Variants in RAI14 observed in about 807,000 individuals in gnomAD.
The protein encoded by RAI14 is retinoic acid induced 14.
Under a neutral mutation model 115.4 loss-of-function variants are expected in RAI14, and 45 were observed. That is an observed-to-expected ratio of 0.39 (90% CI 0.31 to 0.50). RAI14 has a LOEUF of 0.50. RAI14 is among the 20% of genes least tolerant of loss of function. The probability of loss-of-function intolerance (pLI) is 0.85; values close to 1 mark genes in which losing one functional copy is unlikely to be tolerated. For synonymous variants in RAI14, 371 were observed against 415.4 expected (o/e 0.89, Z 1.30); for missense variants, 939 against 1,131.2 (o/e 0.83, Z 2.44).
At chr5:34,788,007 T>C (rs11954106) in intron 3 of RAI14, among the ~76,000 whole-genome samples, 37,484 of 145,208 alleles carry the variant, frequency 0.26, 5,479 homozygotes, top group Non-Finnish European at 0.32. Flanking sequence ...GCGTCTACCT[T>C]CCAGGCTCAT....
intron 16 of RAI14, among the ~76,000 whole-genome samples, chr5:34,829,249 G>A (rs541570296): frequency 3.3e-5 from 5 of 152,088 alleles, no homozygotes; most frequent in South Asian, 4.2e-4. Flanking sequence ...GTGCAGTGGC[G>A]TGATCTCGGC....
chr5:34,717,337 A>G (rs1387654568), intron 2 of RAI14, among the ~76,000 whole-genome samples: 2 of 152,266 alleles, frequency 1.3e-5, no homozygotes, highest in Non-Finnish European at 2.9e-5. Context: ...ACAGCTTACA[A>G]GTAGAAATCA....
intron 3 of RAI14, among the ~76,000 whole-genome samples, chr5:34,786,711 G>A (rs191210755): frequency 2.6e-5 from 4 of 152,128 alleles, no homozygotes; most frequent in African/African-American, 7.2e-5. Context: ...GCGACCCTTC[G>A]ACCTGGGTTT....
chr5:34,797,001 G>T (rs1461009046), intron 4 of RAI14, among the ~76,000 whole-genome samples: 1 of 152,176 alleles, frequency 6.6e-6, no homozygotes, highest in Admixed American at 6.5e-5. Context: ...GGCAAATGGA[G>T]AGAAAAGGTA....
At chr5:34,824,593 A>C (rs1030482549) in intron 15 of RAI14, 102 bp downstream of exon 15, 28 of 944,640 alleles carry the variant, frequency 3.0e-5, no homozygotes, top group Admixed American at 1.2e-4. Flanking sequence ...AACTGGAGTG[A>C]ATGCTCAGAG....
At chr5:34,775,864 T>A (rs1182255475) in intron 3 of RAI14, among the ~76,000 whole-genome samples, 1 of 152,094 alleles carries the variant, frequency 6.6e-6, no homozygotes, top group Non-Finnish European at 1.5e-5. Context: ...GTTTGGAGGT[T>A]CCTCAAAAAA....
intron 1 of RAI14, 74 bp from the exon 2 acceptor site, chr5:34,686,798 A>G (rs1744938614): frequency 7.5e-6 from 7 of 933,736 alleles, no homozygotes; most frequent in Non-Finnish European, 1.1e-5. Context: ...CCTTCCCATG[A>G]CCCAAGTTGT....
intron 2 of RAI14, among the ~76,000 whole-genome samples, chr5:34,754,469 CCTT>C (rs1747611031): frequency 6.6e-6 from 1 of 152,074 alleles, no homozygotes; most frequent in Admixed American, 6.6e-5. Context: ...CTCAAGCAAT[CCTT>C]CTGCTTTGGC....
chr5:34,780,024 G>T (rs571600621), intron 3 of RAI14, among the ~76,000 whole-genome samples: 1 of 152,004 alleles, frequency 6.6e-6, no homozygotes, highest in Non-Finnish European at 1.5e-5. Context: ...AAAACAAGAG[G>T]TATAATACCA....
At chr5:34,812,460 GT>G in intron 10 of RAI14, among the ~76,000 whole-genome samples, 1 of 152,182 alleles carries the variant, frequency 6.6e-6, no homozygotes, top group Non-Finnish European at 1.5e-5. Context: ...GAGGTCGGGA[GT>G]TCAAGACCAC....
chr5:34,681,493 A>C (rs1188867530), intron 1 of RAI14, among the ~76,000 whole-genome samples: 1 of 151,912 alleles, frequency 6.6e-6, no homozygotes, highest in African/African-American at 2.4e-5. Context: ...CCGTGATGGA[A>C]TATTATTATT....
chr5:34,757,647 G>A (rs775241851), intron 3 of RAI14, 49 bp downstream of exon 3: 9 of 1,553,028 alleles, frequency 5.8e-6, no homozygotes, highest in South Asian at 1.2e-5. Context: ...GGTTTTTGGG[G>A]TGTTCTCTGG....
At chr5:34,661,109 T>G (rs1320135525) in intron 1 of RAI14, among the ~76,000 whole-genome samples, 1 of 152,212 alleles carries the variant, frequency 6.6e-6, no homozygotes. Flanking sequence ...AGATTTTGGA[T>G]ATTTTTAAAA....
At chr5:34,744,290 C>T (rs879041856) in intron 2 of RAI14, among the ~76,000 whole-genome samples, 6 of 151,686 alleles carry the variant, frequency 4.0e-5, no homozygotes, top group African/African-American at 7.3e-5. Context: ...TTTTTTTTTC[C>T]GCAAAAGCTT....
intron 6 of RAI14, 37 bp from the exon 7 acceptor site, chr5:34,808,547 G>A (rs111951383): frequency 0.11 from 176,511 of 1,587,266 alleles, 11,213 homozygotes; most frequent in South Asian, 0.14. Context: ...GAATAACTGT[G>A]TGATTGGCTG....
At chr5:34,757,696 C>T in intron 3 of RAI14, 98 bp downstream of exon 3, 1 of 1,388,298 alleles carries the variant, frequency 7.2e-7, no homozygotes, top group Non-Finnish European at 9.6e-7. Flanking sequence ...CACGTGCTCC[C>T]TCTCCACTCC....
At chr5:34,716,258 C>A in intron 2 of RAI14, 1 of 311,926 alleles carries the variant, frequency 3.2e-6, no homozygotes, top group Non-Finnish European at 6.2e-6. Flanking sequence ...CTAGGTGAGG[C>A]TGAGGCTCCC....
At chr5:34,796,154 C>CG in intron 4 of RAI14, 127 bp downstream of exon 4, 1 of 699,700 alleles carries the variant, frequency 1.4e-6, no homozygotes, top group Non-Finnish European at 2.5e-6. Flanking sequence ...CAGCACTCTG[C>CG]GAGGGTGAGG....
At chr5:34,733,787 C>T (rs1409082834) in intron 2 of RAI14, among the ~76,000 whole-genome samples, 1 of 152,228 alleles carries the variant, frequency 6.6e-6, no homozygotes, top group African/African-American at 2.4e-5. Flanking sequence ...ATGCTGTCCT[C>T]TTATTGCTGC....
Sources: allele counts gnomAD v4.1 joint callset (sites outside exome capture counted in the v4.1 genomes callset), GRCh38; gene constraint gnomAD v4.1.1; transcripts MANE v1.5; gene names NCBI Gene and HGNC (gene_info 2026-07-23, HGNC 2026-07-21).